TACC2: variants seen among roughly 807,000 people sequenced by gnomAD.
TACC2 encodes the protein transforming acidic coiled-coil-containing protein 2.
Under a neutral mutation model 227.3 loss-of-function variants are expected in TACC2, and 137 were observed. The ratio of observed to expected loss-of-function variants is 0.60; its 90% CI spans 0.52 to 0.69. The LOEUF (loss-of-function observed/expected upper bound fraction) is 0.69. Among genes scored for constraint, TACC2 ranks in the 30% least tolerant of loss-of-function variants. The probability of loss-of-function intolerance (pLI) is 0.00; values close to 1 mark genes in which losing one functional copy is unlikely to be tolerated. For synonymous variants in TACC2, 1,523 were observed against 1,487.5 expected (o/e 1.02, Z -0.55); for missense variants, 3,470 against 3,694.4 (o/e 0.94, Z 1.57).
At chr10:122,192,249 C>T (rs1220580356) in intron 7 of TACC2, among the ~76,000 whole-genome samples, 2 of 152,192 alleles carry the variant, frequency 1.3e-5, no homozygotes, top group African/African-American at 2.4e-5. Context: ...TGCCCTGGCC[C>T]ACCCCATGCT....
intron 7 of TACC2, chr10:122,163,650 G>T: frequency 9.6e-7 from 1 of 1,042,774 alleles, no homozygotes; most frequent in Non-Finnish European, 1.2e-6. Context: ...ATACCCGCAC[G>T]CCCCGGGCAG....
chr10:122,167,895 C>CT (rs1275728577), intron 7 of TACC2, among the ~76,000 whole-genome samples: 8 of 151,092 alleles, frequency 5.3e-5, no homozygotes, highest in African/African-American at 1.9e-4. Context: ...CTTTTTCTTT[C>CT]TTTTTTTTTG....
intron 12 of TACC2, among the ~76,000 whole-genome samples, chr10:122,225,166 C>G (rs2095601946): frequency 6.6e-6 from 1 of 151,854 alleles, no homozygotes. Flanking sequence ...GGGCAATAAG[C>G]CTTTCTCCCT....
intron 5 of TACC2, among the ~76,000 whole-genome samples, chr10:122,115,659 C>T (rs1028119854): frequency 3.9e-5 from 6 of 152,112 alleles, no homozygotes; most frequent in Non-Finnish European, 8.8e-5. Context: ...TCTGGGCTTG[C>T]CCAGCTCTGG....
chr10:122,191,175 T>C (rs910468357), intron 7 of TACC2, among the ~76,000 whole-genome samples: 1 of 151,970 alleles, frequency 6.6e-6, no homozygotes, highest in African/African-American at 2.4e-5. Context: ...TGGAGTATAG[T>C]TGTGCGATCA....
chr10:122,021,769 G>C (rs552481250), intron 1 of TACC2, among the ~76,000 whole-genome samples, 168 bp from the exon 2 acceptor site: 3 of 152,276 alleles, frequency 2.0e-5, no homozygotes, highest in South Asian at 4.1e-4. Flanking sequence ...AAGAAACCTG[G>C]GTGGCAGATC....
At chr10:122,099,172 C>T (rs1304887920) in intron 5 of TACC2, among the ~76,000 whole-genome samples, 1 of 152,228 alleles carries the variant, frequency 6.6e-6, no homozygotes. Context: ...TCATCTGGCC[C>T]TGCCTGCCAG....
chr10:122,083,507 C>T lies in TACC2; in HGVS notation c.1007C>T (p.Pro336Leu). Reference sequence around the variant, plus strand: ...GCTTCCCAGGAGAGCTGCCAGCAGCCAGTGGGAGCATATCTGCCGCACGCA... The same window carrying T: ...GCTTCCCAGGAGAGCTGCCAGCAGCTAGTGGGAGCATATCTGCCGCACGCA... ...NAASQESCQQ[P>L]VGAYLPHAEL... The change falls in exon 4 of 23, where the codon CCA becomes CTA. Residue 336 changes from proline to leucine, a missense_variant. Transcript: ENST00000369005. The T allele has an allele frequency of 6.2e-7, 1 of 1,613,258 alleles. No individual in the cohort carries two copies. The highest frequency in any genetic ancestry group is 8.5e-7 in the Non-Finnish European group (1 of 1,180,020).
chr10:122,022,985 G>T (rs1010688961), intron 2 of TACC2: 1 of 152,164 alleles, frequency 6.6e-6, no homozygotes, highest in Non-Finnish European at 1.5e-5. Context: ...TTCCTTGAAC[G>T]AGAAAACTGG....
chr10:122,024,635 C>T (rs747861526), intron 2 of TACC2, among the ~76,000 whole-genome samples: 6 of 152,208 alleles, frequency 3.9e-5, no homozygotes, highest in South Asian at 2.1e-4. Context: ...ATTTCAAGAA[C>T]GTTATATAAA....
chr10:122,143,481 C>CAAT lies in TACC2; in HGVS notation c.5700-91_5700-90insAAT, dbSNP rs1565423937. The CAAT allele has an allele frequency of 7.2e-6, 7 of 975,752 alleles. No homozygotes were observed. The African/African-American group carries it at 2.0e-4, about 28-fold the overall frequency. The allele number at this position is 975,752 out of a possible 1,614,324, so 60.4% of individuals were successfully genotyped here. ...TTAAAGAGTCCATTCCATGTGTGGG[C>CAAT]GGGTGGGTTGGGTGGGGTGAATGGG... On this transcript the variant is annotated intron_variant, in intron 6 of 22. Transcript: ENST00000369005.
At chr10:121,994,974 C>G (rs7903011) in intron 1 of TACC2, among the ~76,000 whole-genome samples, 91,057 of 151,968 alleles carry the variant, frequency 0.6, 27,572 homozygotes, top group Admixed American at 0.66. Flanking sequence ...TAAGGAGTTG[C>G]GCTGGATGAT....
chr10:122,221,829 T>C (rs747497331), intron 11 of TACC2, among the ~76,000 whole-genome samples: 1 of 152,180 alleles, frequency 6.6e-6, no homozygotes, highest in Non-Finnish European at 1.5e-5. Context: ...CAAGGAGATA[T>C]CAGGCGAGTT....
At chr10:122,159,973 C>T (rs1190443066) in intron 7 of TACC2, among the ~76,000 whole-genome samples, 2 of 152,108 alleles carry the variant, frequency 1.3e-5, no homozygotes, top group African/African-American at 4.8e-5. Flanking sequence ...CAGTTTCTGA[C>T]CATGGCTCCG....
intron 3 of TACC2, among the ~76,000 whole-genome samples, chr10:122,073,071 C>T (rs2078282461): frequency 7.6e-6 from 1 of 131,706 alleles, no homozygotes; most frequent in Non-Finnish European, 1.5e-5. Flanking sequence ...CAAGATCACG[C>T]CATTGGACTC....
intron 8 of TACC2, among the ~76,000 whole-genome samples, chr10:122,197,548 G>A (rs2140648595): frequency 6.6e-6 from 1 of 152,324 alleles, no homozygotes; most frequent in East Asian, 1.9e-4. Context: ...TTAGATGGCA[G>A]TTACTAAAAG....
intron 1 of TACC2, among the ~76,000 whole-genome samples, chr10:122,013,794 T>A (rs1956230826): frequency 6.6e-6 from 1 of 152,084 alleles, no homozygotes; most frequent in African/African-American, 2.4e-5. Flanking sequence ...CTGGTCGAGA[T>A]GAGAGAAGGC....
intron 19 of TACC2, 120 bp from the exon 20 acceptor site, chr10:122,248,523 G>A (rs2096179911): frequency 8.4e-7 from 1 of 1,193,492 alleles, no homozygotes; most frequent in Admixed American, 2.0e-5. Context: ...CCAAGGAAAA[G>A]CTGGGGTTTG....
At chr10:121,998,182 G>C (rs919169138) in intron 1 of TACC2, among the ~76,000 whole-genome samples, 1 of 151,930 alleles carries the variant, frequency 6.6e-6, no homozygotes, top group African/African-American at 2.4e-5. Flanking sequence ...TGTGGTGGCA[G>C]GCGCCTGTAG....
Sources: allele counts gnomAD v4.1 joint callset (sites outside exome capture counted in the v4.1 genomes callset), GRCh38; gene constraint gnomAD v4.1.1; transcripts MANE v1.5; gene names NCBI Gene and HGNC (gene_info 2026-07-23, HGNC 2026-07-21).